MLYCD: variants seen among roughly 807,000 people sequenced by gnomAD.
MLYCD encodes malonyl-CoA decarboxylase.
Under a neutral mutation model 35.8 loss-of-function variants are expected in MLYCD, and 27 were observed. That is an observed-to-expected ratio of 0.75 (90% CI 0.56 to 1.04). The LOEUF is 1.04. Ranked by LOEUF, MLYCD falls within the 50% of genes least tolerant of loss-of-function variation. MLYCD has a pLI of 0.00. For missense variants in MLYCD, 917 were observed against 665.1 expected (o/e 1.38, Z -4.17); for synonymous variants, 403 against 302.4 (o/e 1.33, Z -3.45).
In MLYCD at chr16:83,915,214, G is replaced by T. The variant is rs569549800; in HGVS notation, c.1207G>T (p.Ala403Ser). 2.0e-5 allele frequency: 32 copies of T among 1,613,872 alleles called. No individual in the cohort carries two copies. The highest frequency in any genetic ancestry group is 2.6e-5 in the Non-Finnish European group (31 of 1,179,852). The change falls in exon 5 of 5, where the codon GCC becomes TCC. Residue 403 changes from alanine (A) to serine (S), a missense_variant. Transcript: ENST00000262430. ...GCAGACTCCGCTGATGAGGCTGTGC[G>T]CCTGGTACCTGTATGGAGAGAAGCA... ...ALQTPLMRLC[A>S]WYLYGEKHRG...
chr16:83,899,183 C>A lies in MLYCD; in HGVS notation c.39C>A (p.Leu13=), dbSNP rs1254737424. The A allele has an allele frequency of 1.7e-6, 2 of 1,171,534 alleles. No homozygotes were observed. Among genetic ancestry groups the A allele is most frequent in the African/African-American group, 1.6e-5 (1 of 61,218 alleles). The allele number at this position is 1,171,534 out of a possible 1,614,324, so 72.6% of individuals were successfully genotyped here. The stretch of plus-strand genomic sequence containing the variant: ...GGCCAGGCTTGACGGCCAGGCGTCT[C>A]CTCCCGCTGCGGTTGCCCCCGCGGC... ...GFGPGLTARR[L]LPLRLPPRPP... The change falls in exon 1 of 5, where the codon CTC becomes CTA. Residue 13 remains leucine, a synonymous_variant. Coordinates refer to ENST00000262430, the MANE Select transcript of MLYCD (RefSeq NM_012213.3).
At chr16:83,901,080 C>G (rs1197673928) in intron 1 of MLYCD, among the ~76,000 whole-genome samples, 1 of 152,124 alleles carries the variant, frequency 6.6e-6, no homozygotes, top group Non-Finnish European at 1.5e-5. Flanking sequence ...TTTGATTCCC[C>G]GTGATAGCTG....
rs537452737 is a variant in MLYCD, at chr16:83,909,313, G to A, written c.798+1031G>A. On this transcript the variant is annotated intron_variant, in intron 3 of 4. Transcript: ENST00000262430. Reference sequence around the variant, plus strand: ...AGCATTGCTGACAGTTCAAAAGGGTGGGGATGATAACCTAGGGCCCATCAG... The same window carrying A: ...AGCATTGCTGACAGTTCAAAAGGGTAGGGATGATAACCTAGGGCCCATCAG... 2.0e-5 allele frequency among the ~76,000 whole-genome samples: 3 copies of A among 152,298 alleles called. No individual in the cohort carries two copies. In the East Asian group the frequency reaches 5.8e-4, roughly 29 times the overall value.
At chr16:83,911,097 C>T (rs1907162065) in intron 3 of MLYCD, among the ~76,000 whole-genome samples, 2 of 152,188 alleles carry the variant, frequency 1.3e-5, no homozygotes, top group East Asian at 1.9e-4. Flanking sequence ...CTGCCTCAGC[C>T]TCCGTAGTAG....
Position 83,918,159 on chromosome 16 carries a change from C to T in MLYCD, c.*2670C>T, listed in dbSNP as rs904869283. 6.6e-6 allele frequency: 1 copy of T among 152,250 alleles called. No individual in the cohort carries two copies. The highest frequency in any genetic ancestry group is 1.5e-5 in the Non-Finnish European group (1 of 68,050). 9.4% of individuals were successfully genotyped at this position (152,250 alleles called of 1,614,324 possible). ...ACGTTACTCTTTAGGTCAAATGTAA[C>T]CCTCCCGGTTTTATTTATCACTCAG... On this transcript the variant is annotated 3_prime_UTR_variant, in exon 5 of 5. Transcript: ENST00000262430.
chr16:83,906,520 C>T (rs1187986332), intron 1 of MLYCD, among the ~76,000 whole-genome samples: 1 of 152,182 alleles, frequency 6.6e-6, no homozygotes, highest in Non-Finnish European at 1.5e-5. Context: ...GAACCAAGTA[C>T]TTGTCTTTCT....
chr16:83,905,958 G>A (rs775724351), intron 1 of MLYCD, among the ~76,000 whole-genome samples: 29 of 152,244 alleles, frequency 1.9e-4, no homozygotes, highest in Non-Finnish European at 3.8e-4. Context: ...GGGTGGTCAA[G>A]TCAATTCACA....
At position 83,916,804 on chromosome 16, in the gene MLYCD, T is replaced by G. The variant is rs1323324107; in HGVS notation, c.*1315T>G. The G allele has an allele frequency of 1.6e-5, 2 of 124,324 alleles. No homozygotes were observed. Among genetic ancestry groups the G allele is most frequent in the Admixed American group, 8.6e-5 (1 of 11,690 alleles). 7.7% of individuals were successfully genotyped at this position (124,324 alleles called of 1,614,324 possible). On this transcript the variant is annotated 3_prime_UTR_variant, in exon 5 of 5. Coordinates refer to ENST00000262430, the MANE Select transcript of MLYCD (RefSeq NM_012213.3). ...TGCACGAGCGTTCTATGTGGATCAG[T>G]GCACGCCTGTGTGCGTGTGCACGAG... is the stretch of plus-strand genomic sequence containing the variant.
chr16:83,907,025 G>A lies in MLYCD; in HGVS notation c.567G>A (p.Trp189Ter), dbSNP rs1907002665. ...TGCTGAAAGGAATGCTCTCAGAATG[G>A]TTTTCCTCCGGGTTCCTGAACCTAG... ...NGVLKGMLSE[W>*]FSSGFLNLER... Residue 189 changes from tryptophan to a stop codon, truncating the protein, a stop_gained, in exon 2 of 5, where the codon TGG becomes TGA. Transcript: ENST00000262430. LOFTEE classifies it high-confidence loss of function. 1.2e-6 allele frequency: 2 copies of A among 1,613,976 alleles called. No individual in the cohort carries two copies. The highest frequency in any genetic ancestry group is 1.3e-5 in the African/African-American group (1 of 74,886).
intron 1 of MLYCD, 41 bp downstream of exon 1, chr16:83,899,713 C>T (rs1906713518): frequency 1.3e-6 from 2 of 1,481,548 alleles, no homozygotes; most frequent in Non-Finnish European, 1.8e-6. Context: ...GCGGACTGGC[C>T]GCCCTCCTCG....
intron 2 of MLYCD, 111 bp downstream of exon 2, chr16:83,907,210 T>G: frequency 1.0e-6 from 1 of 954,986 alleles, no homozygotes; most frequent in East Asian, 2.6e-5. Flanking sequence ...ACAGTTTATT[T>G]CAAGTCTAAT....
At chr16:83,910,514 AC>A (rs1450744680) in intron 3 of MLYCD, among the ~76,000 whole-genome samples, 4 of 151,942 alleles carry the variant, frequency 2.6e-5, no homozygotes, top group Admixed American at 2.6e-4. Context: ...ACATGGTGAA[AC>A]CCCGTCTCTA....
intron 3 of MLYCD, among the ~76,000 whole-genome samples, chr16:83,909,161 C>G (rs1410533955): frequency 6.6e-6 from 1 of 152,180 alleles, no homozygotes; most frequent in Non-Finnish European, 1.5e-5. Flanking sequence ...ATTCTGACTT[C>G]TCTGAGGGCA....
intron 4 of MLYCD, chr16:83,914,268 C>T (rs1463594144): frequency 3.2e-5 from 5 of 158,684 alleles, no homozygotes; most frequent in South Asian, 1.8e-4. Flanking sequence ...GAGAGATACC[C>T]GCAGCGTCCC....
Position 83,915,395 on chromosome 16 carries a change from C to A in MLYCD, c.1388C>A (p.Pro463His). ...NYRYFLEETGPNSTSYLGSKI... is the reference protein window; with the variant it reads ...NYRYFLEETGHNSTSYLGSKI... ...CGCTACTTCCTGGAGGAGACGGGCC[C>A]CAACAGCACCTCCTACCTCGGCTCC... Residue 463 changes from proline to histidine, a missense_variant, in exon 5 of 5, where the codon CCC (proline) becomes CAC (histidine). Coordinates refer to ENST00000262430, the MANE Select transcript of MLYCD (RefSeq NM_012213.3). The A allele has an allele frequency of 6.2e-7, 1 of 1,613,922 alleles. No individual in the cohort carries two copies. The highest frequency in any genetic ancestry group is 8.5e-7 in the Non-Finnish European group (1 of 1,180,046).
chr16:83,907,111 G>C lies in MLYCD; in HGVS notation c.641+12G>C. On this transcript the variant is annotated intron_variant, in intron 2 of 4. Transcript: ENST00000262430. ...CAGAAAATCAGTGAGTAAGTATTAC[G>C]GTTTTCATTTTCTTTGTACATACAT... The C allele has an allele frequency of 6.3e-7, 1 of 1,594,760 alleles. No individual in the cohort carries two copies. The highest frequency in any genetic ancestry group is 8.6e-7 in the Non-Finnish European group (1 of 1,162,406).
At chr16:83,906,176 C>A (rs1030689286) in intron 1 of MLYCD, among the ~76,000 whole-genome samples, 1 of 152,074 alleles carries the variant, frequency 6.6e-6, no homozygotes, top group Admixed American at 6.5e-5. Flanking sequence ...TGCCTGTGCT[C>A]AGGAGCTCGA....
In MLYCD at chr16:83,915,516, C is replaced by A; in HGVS notation, c.*27C>A. 6.2e-7 allele frequency: 1 copy of A among 1,604,998 alleles called. No individual in the cohort carries two copies. The highest frequency in any genetic ancestry group is 8.5e-7 in the Non-Finnish European group (1 of 1,179,664). Reference sequence around the variant, plus strand: ...AGTAAACCTCTCCTAAAGCACAGGGCCCCGGCTAAGAAAACGATCATTTTC... The same window carrying A: ...AGTAAACCTCTCCTAAAGCACAGGGACCCGGCTAAGAAAACGATCATTTTC... On this transcript the variant is annotated 3_prime_UTR_variant, in exon 5 of 5. Transcript: ENST00000262430.
rs1207112668 is a variant in MLYCD, at chr16:83,919,610, C to G, written c.*4121C>G. The G allele has an allele frequency of 6.6e-6, 1 of 151,502 alleles. No individual in the cohort carries two copies. Among genetic ancestry groups the G allele is most frequent in the African/African-American group, 2.5e-5 (1 of 40,600 alleles). 9.4% of individuals were successfully genotyped at this position (151,502 alleles called of 1,614,324 possible). A position where few individuals can be genotyped will look rare whatever the true frequency, so the allele number is the denominator to read the frequency against. On this transcript the variant is annotated 3_prime_UTR_variant, in exon 5 of 5. Transcript: ENST00000262430. ...AGTGCACAGGAGAACACACAGTGCACAGAACACACGGGGCACAGGAGAACA... is the reference window on the plus strand; with the variant it reads ...AGTGCACAGGAGAACACACAGTGCAGAGAACACACGGGGCACAGGAGAACA...
Sources: gnomAD v4.1 joint callset for allele counts (sites outside exome capture counted in the v4.1 genomes callset) on GRCh38, gnomAD v4.1.1 for gene constraint, MANE v1.5 for transcripts, NCBI Gene and HGNC (gene_info 2026-07-23, HGNC 2026-07-21) for gene names.